The following ZNF114 variants were observed in gnomAD, a reference collection of about 807,000 sequenced individuals.
ZNF114 encodes zinc finger protein 114 (Y18).
ZNF114 carries 8 observed loss-of-function variants against 6.8 expected under a neutral mutation model. The observed-to-expected ratio is 1.18, with a 90% CI of 0.69 to 2.13. The LOEUF is 2.13. Among genes scored for constraint, ZNF114 ranks in the 30% most tolerant of loss-of-function variants. The pLI is 0.00. For synonymous variants in ZNF114, 169 were observed against 185.5 expected (o/e 0.91, Z 0.72); for missense variants, 472 against 519.5 (o/e 0.91, Z 0.89).
intron 3 of ZNF114, among the ~76,000 whole-genome samples, 187 bp downstream of exon 3, chr19:48,272,015 C>G (rs2161098): frequency 0.4 from 61,573 of 152,192 alleles, 13,523 homozygotes; most frequent in Non-Finnish European, 0.5. Flanking sequence ...GCGCTTCCCC[C>G]ATACCGTGCT....
chr19:48,283,728 GT>G (rs1968049556), intron 5 of ZNF114, among the ~76,000 whole-genome samples: 2 of 143,062 alleles, frequency 1.4e-5, no homozygotes, highest in Non-Finnish European at 3.1e-5. Flanking sequence ...GGGTTCTGGG[GT>G]TTTTGTTTTT....
At chr19:48,281,691 T>A (rs1967996820) in intron 4 of ZNF114, 1 of 147,058 alleles carries the variant, frequency 6.8e-6, no homozygotes, top group African/African-American at 2.5e-5. Flanking sequence ...CACTCACGGG[T>A]AATTTTTTTA....
At chr19:48,282,631 G>T in intron 5 of ZNF114, 134 bp downstream of exon 5, 1 of 935,280 alleles carries the variant, frequency 1.1e-6, no homozygotes, top group Non-Finnish European at 1.5e-6. Flanking sequence ...CCAGGTAGTA[G>T]GTGTAGGGTT....
In ZNF114 at chr19:48,279,915, G is replaced by GC. The variant is rs1967947544; in HGVS notation, c.9+113dup. ...GGTAAAGCACATGGAGCCAGGCAGGGCCCCCCGCCAGCCGTGCTGCCCTAG... is the reference window on the plus strand; with the variant it reads ...GGTAAAGCACATGGAGCCAGGCAGGGCCCCCCCGCCAGCCGTGCTGCCCTAG... On this transcript the variant is annotated intron_variant, in intron 4 of 5. Transcript: ENST00000595607. The GC allele has an allele frequency of 1.1e-5, 17 of 1,546,354 alleles. No homozygotes were observed. The South Asian group carries it at 1.6e-4, about 14-fold the overall frequency.
chr19:48,275,344 T>C (rs1967799421), intron 3 of ZNF114, among the ~76,000 whole-genome samples: 2 of 150,946 alleles, frequency 1.3e-5, no homozygotes, highest in East Asian at 2.0e-4. Context: ...TTTGGGAGGC[T>C]GAGGCAGGAT....
At chr19:48,272,121 T>C (rs1967674753) in intron 3 of ZNF114, among the ~76,000 whole-genome samples, 1 of 152,204 alleles carries the variant, frequency 6.6e-6, no homozygotes, top group South Asian at 2.1e-4. Context: ...CATGAAAGTA[T>C]TGGAGCTGGC....
rs1401312893 is a variant in ZNF114 at position 48,287,273 on chromosome 19, A to G, written c.*395A>G. ...CACTTTGGGAGGCCGAGGCGGGCGG[A>G]TCACGAGGTCAGGAGATCAAGACCA... On this transcript the variant is annotated 3_prime_UTR_variant, in exon 6 of 6. Coordinates refer to ENST00000595607, the MANE Select transcript of ZNF114 (RefSeq NM_153608.4). The G allele has an allele frequency of 1.3e-5, 2 of 155,938 alleles. No individual in the cohort carries two copies. Among genetic ancestry groups the G allele is most frequent in the Non-Finnish European group, 2.8e-5 (2 of 70,548 alleles). The allele number at this position is 155,938 out of a possible 1,614,324, so 9.7% of individuals were successfully genotyped here.
In ZNF114 at chr19:48,279,784, C is replaced by A; in HGVS notation, c.-16C>A. On this transcript the variant is annotated 5_prime_UTR_variant, in exon 4 of 6. Coordinates refer to ENST00000595607, the MANE Select transcript of ZNF114 (RefSeq NM_153608.4). The stretch of plus-strand genomic sequence containing the variant: ...ACACGGGGAAGCCAGGACTGGCCGT[C>A]ACGTTGGTGACAAATATGTCCCAGG... 1 of 1,613,984 alleles carries A rather than the reference C, an allele frequency of 6.2e-7. No individual in the cohort carries two copies. The highest frequency in any genetic ancestry group is 1.1e-5 in the South Asian group (1 of 91,078).
chr19:48,283,429 G>A (rs563110653), intron 5 of ZNF114, among the ~76,000 whole-genome samples: 1 of 152,266 alleles, frequency 6.6e-6, no homozygotes, highest in South Asian at 2.1e-4. Context: ...CCACATGCTT[G>A]CCCAGTGAGC....
intron 4 of ZNF114, chr19:48,281,613 A>G (rs1412774125): frequency 4.1e-5 from 6 of 146,520 alleles, no homozygotes; most frequent in African/African-American, 1.5e-4. Flanking sequence ...TGCAACCTCC[A>G]CCTCCCAGGC....
At chr19:48,270,669 AAG>A (rs1224499770) in intron 1 of ZNF114, among the ~76,000 whole-genome samples, 11 of 143,576 alleles carry the variant, frequency 7.7e-5, no homozygotes, top group African/African-American at 2.3e-4. Context: ...AGAAGAAAGA[AAG>A]AGAAAAAAGG....
chr19:48,279,676 C>A, intron 3 of ZNF114, 55 bp from the exon 4 acceptor site: 4 of 1,235,762 alleles, frequency 3.2e-6, no homozygotes, highest in Non-Finnish European at 4.7e-6. Context: ...GATCCACATA[C>A]GAGTGTGGGG....
At position 48,286,239 on chromosome 19, in the gene ZNF114, C is replaced by T. The variant is rs372201632; in HGVS notation, c.615C>T (p.Asn205=). The change falls in exon 6 of 6, where the codon AAC becomes AAT. Residue 205 remains asparagine (N), a synonymous_variant. Coordinates refer to ENST00000595607, the MANE Select transcript of ZNF114 (RefSeq NM_153608.4). ...CAAGCACATGGACTGGCAGTCAGAACACTGTGCATCATATACGTGATGAAA... is the reference window on the plus strand; with the variant it reads ...CAAGCACATGGACTGGCAGTCAGAATACTGTGCATCATATACGTGATGAAA... ...LKSSTWTGSQ[N]TVHHIRDEID... is the part of the protein sequence containing the mutation. 1.9e-6 allele frequency: 3 copies of T among 1,614,066 alleles called. No homozygotes were observed. The highest frequency in any genetic ancestry group is 2.7e-5 in the African/African-American group (2 of 74,910).
intron 3 of ZNF114, among the ~76,000 whole-genome samples, chr19:48,278,078 G>A (rs971441092): frequency 2.0e-5 from 3 of 152,020 alleles, no homozygotes; most frequent in Admixed American, 6.6e-5. Context: ...TGGGATTACA[G>A]GTGTGCGCCA....
chr19:48,278,115 T>C (rs945577901), intron 3 of ZNF114, among the ~76,000 whole-genome samples: 1 of 152,036 alleles, frequency 6.6e-6, no homozygotes, highest in Non-Finnish European at 1.5e-5. Flanking sequence ...TTTGTATTTT[T>C]AGTAGAGACA....
At chr19:48,274,534 T>G (rs1967775582) in intron 3 of ZNF114, among the ~76,000 whole-genome samples, 1 of 149,792 alleles carries the variant, frequency 6.7e-6, no homozygotes, top group Admixed American at 6.7e-5. Context: ...GAGACAGAGT[T>G]TTTCTCTTGT....
At chr19:48,283,000 G>A (rs1270496855) in intron 5 of ZNF114, among the ~76,000 whole-genome samples, 2 of 151,576 alleles carry the variant, frequency 1.3e-5, no homozygotes, top group African/African-American at 4.8e-5. Flanking sequence ...ACAGGCGTGA[G>A]CCACCACACC....
Position 48,274,506 on chromosome 19 carries a change from A to ATT in ZNF114, c.-70+2694_-70+2695dup, listed in dbSNP as rs869126962. On this transcript the variant is annotated intron_variant, in intron 3 of 5. Coordinates refer to ENST00000595607, the MANE Select transcript of ZNF114 (RefSeq NM_153608.4). ...TTTATATATATATATATATATATAT[A>ATT]TTTTTTTTTTTTTTTTTGAGACAGA... is the stretch of plus-strand genomic sequence containing the variant. Among the ~76,000 whole-genome samples the ATT allele has an allele frequency of 6.2e-3, 106 of 17,148 alleles. 2 individuals are homozygous for ATT. The highest frequency in any genetic ancestry group is 0.01 in the Non-Finnish European group (58 of 5,744). 11.2% of individuals were successfully genotyped at this position (17,148 alleles called of 152,430 possible). A position where few individuals can be genotyped will look rare whatever the true frequency, so the allele number is the denominator to read the frequency against.
In ZNF114 at chr19:48,272,673, C is replaced by CAAAAAAAAAAAAAAAAAA. The variant is rs57823987; in HGVS notation, c.-70+853_-70+870dup. ...TGGGCGACAGAGCAAGACTCTCTCT[C>CAAAAAAAAAAAAAAAAAA]AAAAAAAAAAAAAAAAAAAAAAAAA... On this transcript the variant is annotated intron_variant, in intron 3 of 5. Coordinates refer to ENST00000595607, the MANE Select transcript of ZNF114 (RefSeq NM_153608.4). 2.8e-3 allele frequency among the ~76,000 whole-genome samples: 111 copies of CAAAAAAAAAAAAAAAAAA among 39,224 alleles called. 12 individuals carry two copies. The highest frequency in any genetic ancestry group is 3.4e-3 in the Non-Finnish European group (81 of 23,870). The allele number at this position is 39,224 out of a possible 152,430, so 25.7% of individuals were successfully genotyped here. A position where few individuals can be genotyped will look rare whatever the true frequency, so the allele number is the denominator to read the frequency against.
Sources: gnomAD v4.1 joint callset for allele counts (sites outside exome capture counted in the v4.1 genomes callset) on GRCh38, gnomAD v4.1.1 for gene constraint, MANE v1.5 for transcripts, NCBI Gene and HGNC (gene_info 2026-07-23, HGNC 2026-07-21) for gene names.